Variants in ANKK1 observed in about 807,000 individuals in gnomAD.
ANKK1 encodes the protein ankyrin repeat and protein kinase domain-containing protein 1.
A neutral mutation model predicts 37.6 loss-of-function variants in ANKK1; 37 were observed. The observed-to-expected ratio is 0.98, with a 90% CI of 0.76 to 1.29. The LOEUF (loss-of-function observed/expected upper bound fraction) is 1.29. Ranked by LOEUF, ANKK1 falls within the 50% of genes most tolerant of loss-of-function variation. ANKK1 has a pLI of 0.00. For missense variants in ANKK1, 1,019 were observed against 990.6 expected, an observed-to-expected ratio of 1.03 and a Z score of -0.39; for synonymous variants, 415 against 418.7, an observed-to-expected ratio of 0.99 and a Z score of 0.11.
At position 113,387,863 on chromosome 11, in the gene ANKK1, C is replaced by G. The variant is rs1378219132; in HGVS notation, c.-22C>G. On this transcript the variant is annotated 5_prime_UTR_variant, in exon 1 of 8. Coordinates refer to ENST00000303941, the MANE Select transcript of ANKK1 (RefSeq NM_178510.2). ...CAGCCACAGCGGGGAGTGCGCGGCGCGGGGACAGGAAGAGAGGGGCAATGG... is the reference window on the plus strand; with the variant it reads ...CAGCCACAGCGGGGAGTGCGCGGCGGGGGGACAGGAAGAGAGGGGCAATGG... 1.3e-6 allele frequency: 2 copies of G among 1,484,212 alleles called. No homozygotes were observed. Among genetic ancestry groups the G allele is most frequent in the African/African-American group, 2.8e-5 (2 of 70,688 alleles). The allele number at this position is 1,484,212 out of a possible 1,614,324, so 91.9% of individuals were successfully genotyped here.
chr11:113,389,352 G>A (rs780130182), intron 1 of ANKK1, among the ~76,000 whole-genome samples: 8 of 152,072 alleles, frequency 5.3e-5, no homozygotes, highest in Admixed American at 1.3e-4. Context: ...GGAGCTTTAC[G>A]TGCATTACTT....
chr11:113,395,053 C>T lies in ANKK1; in HGVS notation c.605C>T (p.Ala202Val). The T allele has an allele frequency of 6.2e-7, 1 of 1,612,148 alleles. No homozygotes were observed. The highest frequency in any genetic ancestry group is 1.1e-5 in the South Asian group (1 of 90,554). The change falls in exon 3 of 8, where the codon GCC becomes GTC. Residue 202 changes from alanine (A) to valine (V), a missense_variant. Coordinates refer to ENST00000303941, the MANE Select transcript of ANKK1 (RefSeq NM_178510.2). ...PPEMFLESNK[A>V]PGPKYDVYSF... ...GAGATGTTCCTGGAGAGTAACAAGG[C>T]CCCAGGACCTAAATATGATGTGTAC...
rs1950693425 is a variant in ANKK1 at position 113,400,277 on chromosome 11, C to A, written c.*10C>A. On this transcript the variant is annotated 3_prime_UTR_variant, in exon 8 of 8. Transcript: ENST00000303941. ...CGAGATGGAAATTTAGACAACTTGGCCAGCCGTGGTGGCTCACGTCTGTAA... is the reference window on the plus strand; with the variant it reads ...CGAGATGGAAATTTAGACAACTTGGACAGCCGTGGTGGCTCACGTCTGTAA... 4.6e-6 allele frequency: 7 copies of A among 1,530,886 alleles called. No individual in the cohort carries two copies. Among genetic ancestry groups the A allele is most frequent in the Non-Finnish European group, 6.2e-6 (7 of 1,135,270 alleles). 94.8% of individuals were successfully genotyped at this position (1,530,886 alleles called of 1,614,324 possible). A position where few individuals can be genotyped will look rare whatever the true frequency, so the allele number is the denominator to read the frequency against.
In ANKK1 at chr11:113,395,419, G is replaced by A. The variant is rs200005080; in HGVS notation, c.682+11G>A. ...AGAAACCATACTCAGGTAAGCAGGCGGCTGTGGCTCTGTGTTGGGGGCAGG... is the reference window on the plus strand; with the variant it reads ...AGAAACCATACTCAGGTAAGCAGGCAGCTGTGGCTCTGTGTTGGGGGCAGG... On this transcript the variant is annotated intron_variant, in intron 4 of 7. Transcript: ENST00000303941. The A allele has an allele frequency of 4.2e-4, 685 of 1,613,674 alleles. No individual in the cohort carries two copies. Among genetic ancestry groups the A allele is most frequent in the Non-Finnish European group, 5.2e-4 (618 of 1,179,798 alleles).
In ANKK1 at chr11:113,387,918, A is replaced by G; in HGVS notation, c.34A>G (p.Ser12Gly). 1 of 1,564,734 alleles carries G rather than the reference A, an allele frequency of 6.4e-7. No homozygotes were observed. The highest frequency in any genetic ancestry group is 8.6e-7 in the Non-Finnish European group (1 of 1,160,132). ...CGACCCCACCGAGCTGCGGCTGGGC[A>G]GCCTCCCCGTCTTCACCCGCGACGA... Reference protein sequence around the residue: ...AADPTELRLGSLPVFTRDDFE... With the variant: ...AADPTELRLGGLPVFTRDDFE... Residue 12 changes from serine (S) to glycine (G), a missense_variant, in exon 1 of 8, where the codon AGC (serine) becomes GGC (glycine). By Grantham distance (56) the Ser-to-Gly change is moderately conservative. Coordinates refer to ENST00000303941, the MANE Select transcript of ANKK1 (RefSeq NM_178510.2).
In ANKK1 at chr11:113,400,394, TA is replaced by T; in HGVS notation, c.*132del. 9.8e-7 allele frequency: 1 copy of T among 1,016,536 alleles called. No individual in the cohort carries two copies. Among genetic ancestry groups the T allele is most frequent in the Non-Finnish European group, 1.4e-6 (1 of 719,232 alleles). 63.0% of individuals were successfully genotyped at this position (1,016,536 alleles called of 1,614,324 possible). A position where few individuals can be genotyped will look rare whatever the true frequency, so the allele number is the denominator to read the frequency against. Reference sequence around the variant, plus strand: ...CAACATGGCAAAACCCTGTCTCTGCTAAAAATACAAAATTTAGCTGGGTATG... The same window carrying T: ...CAACATGGCAAAACCCTGTCTCTGCTAAAATACAAAATTTAGCTGGGTATG... On this transcript the variant is annotated 3_prime_UTR_variant, in exon 8 of 8. Coordinates refer to ENST00000303941, the MANE Select transcript of ANKK1 (RefSeq NM_178510.2).
intron 1 of ANKK1, among the ~76,000 whole-genome samples, chr11:113,391,031 G>A (rs970392456): frequency 6.6e-6 from 1 of 152,188 alleles, no homozygotes; most frequent in Non-Finnish European, 1.5e-5. Context: ...TTGGAATGGG[G>A]TTGCTTTTTT....
At position 113,398,022 on chromosome 11, in the gene ANKK1, T is replaced by A; in HGVS notation, c.994+6T>A. The A allele has an allele frequency of 1.3e-6, 2 of 1,565,302 alleles. No homozygotes were observed. ...CCAGGAACTGATGGACAGTGGTGAG[T>A]CTGGGTGCCACGGGCGGGACCAGAG... On this transcript the variant is annotated splice_donor_region_variant and intron_variant, in intron 7 of 7. Transcript: ENST00000303941.
chr11:113,393,733 C>G lies in ANKK1; in HGVS notation c.438C>G (p.Leu146=). 1.2e-6 allele frequency: 2 copies of G among 1,612,746 alleles called. No individual in the cohort carries two copies. The highest frequency in any genetic ancestry group is 1.7e-6 in the Non-Finnish European group (2 of 1,179,792). The change falls in exon 2 of 8, where the codon CTC becomes CTG. Residue 146 remains leucine (L), a synonymous_variant. Transcript: ENST00000303941. ...AGCCGCCTCTGCTCCACCTGGACCT[C>G]AAGCCGGGCAACATACTCCTGGACA... The part of the protein sequence containing the change: ...SIKPPLLHLD[L]KPGNILLDSN...
chr11:113,396,205 A>C lies in ANKK1; in HGVS notation c.821A>C (p.Lys274Thr). The C allele has an allele frequency of 6.2e-7, 1 of 1,613,964 alleles. No homozygotes were observed. Among genetic ancestry groups the C allele is most frequent in the Non-Finnish European group, 8.5e-7 (1 of 1,179,870 alleles). ...MKRCWDQDPK[K>T]RPCFLDITIE... The stretch of plus-strand genomic sequence containing the variant: ...CGCTGCTGGGACCAGGACCCCAAGA[A>C]GAGGCCATGCTTTCTAGGTGCTTAT... The change falls in exon 5 of 8, where the codon AAG becomes ACG. Residue 274 changes from lysine (K) to threonine (T), a missense_variant. Coordinates refer to ENST00000303941, the MANE Select transcript of ANKK1 (RefSeq NM_178510.2).
chr11:113,389,463 C>T (rs573967499), intron 1 of ANKK1, among the ~76,000 whole-genome samples: 3 of 152,268 alleles, frequency 2.0e-5, no homozygotes, highest in Non-Finnish European at 2.9e-5. Flanking sequence ...CTGGGATTAA[C>T]GATGAATGCA....
intron 4 of ANKK1, among the ~76,000 whole-genome samples, chr11:113,395,833 G>A (rs772915664): frequency 1.4e-4 from 22 of 152,362 alleles, no homozygotes; most frequent in Admixed American, 1.0e-3. Flanking sequence ...GACCTGCAAT[G>A]TGGGGTCATG....
Position 113,393,476 on chromosome 11 carries a change from C to A in ANKK1, c.186-5C>A, listed in dbSNP as rs772400827. 1.4e-5 allele frequency: 23 copies of A among 1,609,200 alleles called. No homozygotes were observed. ...CCTTCCATATCTTGCTCCCCCTCTC[C>A]ATAGCTCTGATGTGAATTACCTCAT... On this transcript the variant is annotated splice_region_variant and splice_polypyrimidine_tract_variant and intron_variant, in intron 1 of 7. Coordinates refer to ENST00000303941, the MANE Select transcript of ANKK1 (RefSeq NM_178510.2).
In ANKK1 at chr11:113,397,290, A is replaced by G; in HGVS notation, c.905A>G (p.Lys302Arg). ...LQSRVAVPESKALARKVSCKL... is the reference protein window; with the variant it reads ...LQSRVAVPESRALARKVSCKL... ...AGTCGTGTGGCAGTCCCAGAGAGCA[A>G]GGCCCTGGCCAGGAAGGTGTCCTGC... Residue 302 changes from lysine to arginine, a missense_variant, in exon 6 of 8, where the codon AAG becomes AGG. Lys to Arg is a conservative substitution (Grantham distance 26, BLOSUM62 2). Coordinates refer to ENST00000303941, the MANE Select transcript of ANKK1 (RefSeq NM_178510.2). 6.2e-7 allele frequency: 1 copy of G among 1,612,670 alleles called. No homozygotes were observed.
chr11:113,398,137 GT>G, intron 7 of ANKK1, 121 bp downstream of exon 7: 2 of 1,190,380 alleles, frequency 1.7e-6, no homozygotes, highest in Non-Finnish European at 2.4e-6. Context: ...CACATCCAGG[GT>G]TTAGGTGCCC....
rs189087444 is a variant in ANKK1, at chr11:113,388,865, G to A, written c.185+796G>A. On this transcript the variant is annotated intron_variant, in intron 1 of 7. Transcript: ENST00000303941. ...CAGCCATGAAGAAGACACTCGGGAT[G>A]TTAAACCTGAGCATGATAACCATGT... is the stretch of plus-strand genomic sequence containing the variant. Among the ~76,000 whole-genome samples, 353 of 152,330 alleles carry A rather than the reference G, an allele frequency of 2.3e-3. 6 individuals carry two copies. Among genetic ancestry groups the A allele is most frequent in the Non-Finnish European group, 1.2e-3 (81 of 68,024 alleles).
rs758657165 is a variant in ANKK1, at chr11:113,399,060, C to A, written c.1091C>A (p.Thr364Asn). 1.9e-5 allele frequency: 31 copies of A among 1,603,100 alleles called. No homozygotes were observed. In the Admixed American group the frequency reaches 4.8e-4, roughly 25 times the overall value. The change falls in exon 8 of 8, where the codon ACC becomes AAC. Residue 364 changes from threonine (T) to asparagine (N), a missense_variant. Thr to Asn is a moderately conservative substitution (Grantham distance 65, BLOSUM62 0). Coordinates refer to ENST00000303941, the MANE Select transcript of ANKK1 (RefSeq NM_178510.2). ...CTGTGTATCTATGAGAACAAGGTCA[C>A]CCCCCTCCACTTCCTGGTGGCCCAG... ...EELCIYENKV[T>N]PLHFLVAQGS...
intron 4 of ANKK1, 39 bp downstream of exon 4, chr11:113,395,447 G>C (rs1321337539): frequency 1.2e-6 from 2 of 1,608,254 alleles, no homozygotes; most frequent in South Asian, 2.2e-5. Context: ...GGGGCAGGAG[G>C]ACCCCTGGGA....
intron 1 of ANKK1, 80 bp from the exon 2 acceptor site, chr11:113,393,401 T>A (rs1950603437): frequency 6.9e-7 from 1 of 1,451,960 alleles, no homozygotes; most frequent in South Asian, 1.3e-5. Flanking sequence ...TCTGGCATCA[T>A]GGCTAGTTTA....
Sources: gnomAD v4.1 joint callset for allele counts (sites outside exome capture counted in the v4.1 genomes callset) on GRCh38, gnomAD v4.1.1 for gene constraint, MANE v1.5 for transcripts, NCBI Gene and HGNC (gene_info 2026-07-23, HGNC 2026-07-21) for gene names.